The following SUCLG2 variants were observed in gnomAD, a reference collection of about 807,000 sequenced individuals.
The protein encoded by SUCLG2 is succinate--CoA ligase [GDP-forming] subunit beta, mitochondrial.
In SUCLG2, 42 loss-of-function variants were observed where a neutral mutation model predicts 47.9. The observed-to-expected ratio is 0.88, with a 90% CI of 0.69 to 1.14. The LOEUF (loss-of-function observed/expected upper bound fraction) is 1.14. SUCLG2 is among the 50% of genes most tolerant of loss of function. The pLI is 0.00. For missense variants in SUCLG2, 571 were observed against 525.9 expected, an observed-to-expected ratio of 1.09 and a Z score of -0.84; for synonymous variants, 195 against 197.3, an observed-to-expected ratio of 0.99 and a Z score of 0.10.
intron 10 of SUCLG2, among the ~76,000 whole-genome samples, chr3:67,396,185 A>G (rs1197041315): frequency 6.6e-6 from 1 of 152,294 alleles, no homozygotes; most frequent in East Asian, 1.9e-4. Context: ...GCAGAACTGA[A>G]GGAAATAGAG....
intron 9 of SUCLG2, among the ~76,000 whole-genome samples, chr3:67,485,225 T>C (rs1458894676): frequency 1.3e-5 from 2 of 152,216 alleles, no homozygotes; most frequent in African/African-American, 4.8e-5. Context: ...ACAGAGGTAG[T>C]AATTGTATAA....
intron 10 of SUCLG2, among the ~76,000 whole-genome samples, chr3:67,396,530 A>G (rs1182574399): frequency 6.6e-6 from 1 of 152,200 alleles, no homozygotes; most frequent in African/African-American, 2.4e-5. Flanking sequence ...GCAATAATCA[A>G]TAGCTTACCA....
chr3:67,619,586 G>A (rs955515257), intron 1 of SUCLG2, among the ~76,000 whole-genome samples: 2 of 152,188 alleles, frequency 1.3e-5, no homozygotes, highest in Non-Finnish European at 2.9e-5. Context: ...AAATGGGAAG[G>A]TGTGAAAGAG....
At position 67,481,121 on chromosome 3, in the gene SUCLG2, T is replaced by C. The variant is rs190528014; in HGVS notation, c.1062+14677A>G. ...TTTTTAAAAATAATTCCCTAACTCA[T>C]TGACTTGTATTATTATAAAATGTAA... On this transcript the variant is annotated intron_variant, in intron 9 of 10. Coordinates refer to ENST00000307227, the MANE Select transcript of SUCLG2 (RefSeq NM_003848.4). 7.3e-3 allele frequency among the ~76,000 whole-genome samples: 1,113 copies of C among 152,346 alleles called. 3 individuals are homozygous for C. The highest frequency in any genetic ancestry group is 0.012 in the Non-Finnish European group (831 of 68,028).
At chr3:67,362,512 A>G (rs1160201347) in intron 10 of SUCLG2, among the ~76,000 whole-genome samples, 3 of 152,122 alleles carry the variant, frequency 2.0e-5, no homozygotes, top group East Asian at 1.9e-4. Flanking sequence ...ATGATAATCT[A>G]ATTTTTTTGT....
intron 10 of SUCLG2, among the ~76,000 whole-genome samples, chr3:67,366,565 A>G (rs920823234): frequency 2.1e-4 from 32 of 152,190 alleles, no homozygotes; most frequent in African/African-American, 7.0e-4. Flanking sequence ...TTAATCAGCT[A>G]CATTTTCCAA....
chr3:67,556,297 T>C (rs1707157816), intron 2 of SUCLG2, among the ~76,000 whole-genome samples: 1 of 152,180 alleles, frequency 6.6e-6, no homozygotes, highest in African/African-American at 2.4e-5. Flanking sequence ...ATCAACACTG[T>C]TTCCTGACTT....
chr3:67,545,965 A>G (rs990742964), intron 2 of SUCLG2, among the ~76,000 whole-genome samples: 2 of 152,216 alleles, frequency 1.3e-5, no homozygotes, highest in African/African-American at 2.4e-5. Flanking sequence ...AACACTCATT[A>G]TCAATGTGCT....
At chr3:67,369,251 A>G (rs753139276) in intron 10 of SUCLG2, among the ~76,000 whole-genome samples, 2 of 152,180 alleles carry the variant, frequency 1.3e-5, no homozygotes, top group Non-Finnish European at 2.9e-5. Context: ...GATTTAAAAA[A>G]TGTTTTTCTT....
chr3:67,653,250 G>C (rs559869885), intron 1 of SUCLG2, among the ~76,000 whole-genome samples: 14 of 152,168 alleles, frequency 9.2e-5, no homozygotes, highest in Admixed American at 5.2e-4. Context: ...TAATGAATAG[G>C]ACTTCATCTC....
At chr3:67,502,649 A>G (rs755720614) in intron 7 of SUCLG2, among the ~76,000 whole-genome samples, 1 of 152,200 alleles carries the variant, frequency 6.6e-6, no homozygotes, top group Non-Finnish European at 1.5e-5. Flanking sequence ...GCTTCCCATT[A>G]TTGTAGCCCA....
At chr3:67,569,342 A>C (rs923006404) in intron 2 of SUCLG2, among the ~76,000 whole-genome samples, 6 of 152,226 alleles carry the variant, frequency 3.9e-5, no homozygotes, top group Non-Finnish European at 5.9e-5. Flanking sequence ...CTCCAAGCAA[A>C]TGAAGATTGA....
chr3:67,472,045 A>G (rs533030181), intron 9 of SUCLG2, among the ~76,000 whole-genome samples: 10 of 152,354 alleles, frequency 6.6e-5, no homozygotes, highest in Non-Finnish European at 8.8e-5. Context: ...TTGATGTTAC[A>G]TTATAAATGG....
intron 10 of SUCLG2, among the ~76,000 whole-genome samples, chr3:67,388,501 A>C (rs1406502945): frequency 6.6e-6 from 1 of 152,220 alleles, no homozygotes; most frequent in Non-Finnish European, 1.5e-5. Flanking sequence ...CCATAGCAAG[A>C]CAAGACCTAT....
chr3:67,602,456 G>A (rs7625023), intron 2 of SUCLG2, among the ~76,000 whole-genome samples: 2,684 of 152,034 alleles, frequency 0.018, 72 homozygotes, highest in African/African-American at 0.06. Context: ...CCTGCAGAGT[G>A]GTATTCAGTG....
At chr3:67,625,208 A>C (rs1379701294) in intron 1 of SUCLG2, among the ~76,000 whole-genome samples, 2 of 152,198 alleles carry the variant, frequency 1.3e-5, no homozygotes, top group Non-Finnish European at 2.9e-5. Context: ...CAGTTCTGGG[A>C]GTTGATAATT....
chr3:67,597,685 G>T (rs1424206233), intron 2 of SUCLG2, among the ~76,000 whole-genome samples: 1 of 152,024 alleles, frequency 6.6e-6, no homozygotes, highest in Admixed American at 6.5e-5. Flanking sequence ...CACGTCTGTG[G>T]TCCCAGCACT....
At chr3:67,419,540 G>A (rs1445689017) in intron 9 of SUCLG2, among the ~76,000 whole-genome samples, 1 of 152,150 alleles carries the variant, frequency 6.6e-6, no homozygotes, top group Non-Finnish European at 1.5e-5. Flanking sequence ...AGTAAGGCCA[G>A]AGGAAACAAT....
chr3:67,367,358 A>G (rs979886096), intron 10 of SUCLG2, among the ~76,000 whole-genome samples: 7 of 152,190 alleles, frequency 4.6e-5, no homozygotes, highest in Non-Finnish European at 8.8e-5. Flanking sequence ...ATCATAGAAC[A>G]TTTGTAAATT....
Sources: allele counts gnomAD v4.1 joint callset (sites outside exome capture counted in the v4.1 genomes callset), GRCh38; gene constraint gnomAD v4.1.1; transcripts MANE v1.5; gene names NCBI Gene and HGNC (gene_info 2026-07-23, HGNC 2026-07-21).